The following RNF180 variants were observed in gnomAD, a reference collection of about 807,000 sequenced individuals.
RNF180 encodes the protein E3 ubiquitin-protein ligase RNF180.
In RNF180, 38 loss-of-function variants were observed where a neutral mutation model predicts 59.2. The observed-to-expected ratio is 0.64, with a 90% CI of 0.50 to 0.84. The LOEUF (loss-of-function observed/expected upper bound fraction) is 0.84. RNF180 is among the 40% of genes least tolerant of loss of function. The pLI is 0.00. For synonymous variants in RNF180, 262 were observed against 240.3 expected (o/e 1.09, Z -0.84); for missense variants, 705 against 700.9 (o/e 1.01, Z -0.07).
In RNF180 at chr5:64,269,488, G is replaced by A. The variant is rs147166235; in HGVS notation, c.1227+52092G>A. ...TCCATGTGCCTCATAGAATACTACCGTCTCTTTTTTTGGCATCCCTGTGTG... is the reference window on the plus strand; with the variant it reads ...TCCATGTGCCTCATAGAATACTACCATCTCTTTTTTTGGCATCCCTGTGTG... On this transcript the variant is annotated intron_variant, in intron 5 of 7. Transcript: ENST00000389100. Among the ~76,000 whole-genome samples the A allele has an allele frequency of 3.5e-3, 538 of 152,174 alleles. 3 individuals are homozygous for A. Among genetic ancestry groups the A allele is most frequent in the African/African-American group, 0.011 (475 of 41,512 alleles).
intron 3 of RNF180, 100 bp from the exon 4 acceptor site, chr5:64,213,458 C>A: frequency 1.0e-6 from 1 of 990,358 alleles, no homozygotes; most frequent in Non-Finnish European, 1.5e-6. Flanking sequence ...TTTTCTGTGG[C>A]ATAGAAAACT....
At chr5:64,232,450 T>A (rs1742152955) in intron 5 of RNF180, among the ~76,000 whole-genome samples, 1 of 152,192 alleles carries the variant, frequency 6.6e-6, no homozygotes, top group Non-Finnish European at 1.5e-5. Flanking sequence ...CACTGCAGCC[T>A]TGAACTCCTG....
In RNF180 at chr5:64,370,795, A is replaced by G. The variant is rs988585663; in HGVS notation, c.*981A>G. 10 of 151,670 alleles carry G rather than the reference A, an allele frequency of 6.6e-5. No individual in the cohort carries two copies. Among genetic ancestry groups the G allele is most frequent in the Non-Finnish European group, 1.3e-4 (9 of 67,750 alleles). 9.4% of individuals were successfully genotyped at this position (151,670 alleles called of 1,614,324 possible). On this transcript the variant is annotated 3_prime_UTR_variant, in exon 8 of 8. Coordinates refer to ENST00000389100, the MANE Select transcript of RNF180 (RefSeq NM_001113561.2). ...TGGGGCAGGTAACCCAATTCAAAAA[A>G]GGAAAAACTGGAGCAGAGACTTAAG...
intron 7 of RNF180, among the ~76,000 whole-genome samples, chr5:64,331,149 A>G (rs1329665824): frequency 2.6e-5 from 4 of 152,214 alleles, no homozygotes; most frequent in Non-Finnish European, 4.4e-5. Context: ...GCTGACAAGC[A>G]TGGGAGGAAG....
At chr5:64,269,721 A>G (rs754890306) in intron 5 of RNF180, among the ~76,000 whole-genome samples, 1 of 152,156 alleles carries the variant, frequency 6.6e-6, no homozygotes, top group Non-Finnish European at 1.5e-5. Flanking sequence ...CTCTGATATT[A>G]TCTTCAAACT....
chr5:64,251,271 C>T (rs906960937), intron 5 of RNF180, among the ~76,000 whole-genome samples: 3 of 152,156 alleles, frequency 2.0e-5, no homozygotes, highest in African/African-American at 4.8e-5. Flanking sequence ...AGCTTTTGCT[C>T]TAAGATTTGC....
At chr5:64,186,345 T>C (rs182307067) in intron 1 of RNF180, among the ~76,000 whole-genome samples, 2 of 152,312 alleles carry the variant, frequency 1.3e-5, no homozygotes, top group African/African-American at 4.8e-5. Flanking sequence ...CATATTAATA[T>C]ATTTAACATA....
At chr5:64,177,983 A>C (rs1038547818) in intron 1 of RNF180, among the ~76,000 whole-genome samples, 4 of 152,112 alleles carry the variant, frequency 2.6e-5, no homozygotes, top group African/African-American at 9.7e-5. Flanking sequence ...AGGTGGGTGG[A>C]TAATGAGGTC....
chr5:64,310,198 T>A (rs1023201260), intron 5 of RNF180, among the ~76,000 whole-genome samples: 3 of 151,858 alleles, frequency 2.0e-5, no homozygotes, highest in Admixed American at 6.6e-5. Context: ...GAATTATTTA[T>A]ATGCCACAAC....
chr5:64,239,948 C>T (rs1342277867), intron 5 of RNF180, among the ~76,000 whole-genome samples: 1 of 152,130 alleles, frequency 6.6e-6, no homozygotes, highest in Non-Finnish European at 1.5e-5. Context: ...TAATGTACTG[C>T]TCACCTATAT....
At chr5:64,316,759 G>A (rs1744058343) in intron 5 of RNF180, among the ~76,000 whole-genome samples, 1 of 152,300 alleles carries the variant, frequency 6.6e-6, no homozygotes, top group South Asian at 2.1e-4. Context: ...TGTTGATGGA[G>A]AAGGCAATTT....
chr5:64,278,163 G>A (rs371640368), intron 5 of RNF180, among the ~76,000 whole-genome samples: 1 of 152,134 alleles, frequency 6.6e-6, no homozygotes, highest in East Asian at 1.9e-4. Context: ...TGTCGAAATG[G>A]CATGTGAAAA....
At chr5:64,327,470 G>T (rs975825383) in intron 6 of RNF180, among the ~76,000 whole-genome samples, 1 of 151,846 alleles carries the variant, frequency 6.6e-6, no homozygotes, top group African/African-American at 2.4e-5. Flanking sequence ...GTAGCTTTTG[G>T]CGTATTATAT....
At chr5:64,356,137 G>T (rs920028092) in intron 7 of RNF180, among the ~76,000 whole-genome samples, 7 of 151,682 alleles carry the variant, frequency 4.6e-5, no homozygotes, top group African/African-American at 1.7e-4. Context: ...GTGCATGCCT[G>T]TAGTCCTAAC....
At chr5:64,200,349 G>C (rs1751679481) in intron 1 of RNF180, among the ~76,000 whole-genome samples, 1 of 152,186 alleles carries the variant, frequency 6.6e-6, no homozygotes, top group Admixed American at 6.5e-5. Flanking sequence ...CTGGTACTCA[G>C]GAGACTGAGG....
chr5:64,352,396 A>G (rs764701235), intron 7 of RNF180, among the ~76,000 whole-genome samples: 9 of 151,678 alleles, frequency 5.9e-5, no homozygotes, highest in Admixed American at 1.3e-4. Context: ...TTCTGTCTCT[A>G]TCTCCTTCAA....
chr5:64,335,036 T>C (rs1561268396), intron 7 of RNF180, among the ~76,000 whole-genome samples: 1 of 152,222 alleles, frequency 6.6e-6, no homozygotes, highest in Non-Finnish European at 1.5e-5. Flanking sequence ...ATTTTCAGTC[T>C]TTTAGATTTT....
intron 7 of RNF180, among the ~76,000 whole-genome samples, chr5:64,357,122 G>A (rs1199615481): frequency 6.6e-6 from 1 of 151,756 alleles, no homozygotes; most frequent in Non-Finnish European, 1.5e-5. Flanking sequence ...GATGTTATAA[G>A]TAATGTACAA....
chr5:64,288,496 A>G (rs1428440848), intron 5 of RNF180, among the ~76,000 whole-genome samples: 1 of 152,152 alleles, frequency 6.6e-6, no homozygotes, highest in Admixed American at 6.5e-5. Flanking sequence ...CGGTATGGCC[A>G]TTTTCACGAT....
Sources: allele counts gnomAD v4.1 joint callset (sites outside exome capture counted in the v4.1 genomes callset), GRCh38; gene constraint gnomAD v4.1.1; transcripts MANE v1.5; gene names NCBI Gene and HGNC (gene_info 2026-07-23, HGNC 2026-07-21).